Variants in DYNC2I2 observed in about 807,000 individuals in gnomAD.
DYNC2I2 encodes the protein dynein 2 intermediate chain 2.
Under a neutral mutation model 52.0 loss-of-function variants are expected in DYNC2I2, and 39 were observed. That is an observed-to-expected ratio of 0.75 (90% CI 0.58 to 0.98). The LOEUF is 0.98. Among genes scored for constraint, DYNC2I2 ranks in the 50% least tolerant of loss-of-function variants. The probability of loss-of-function intolerance (pLI) is 0.00; values close to 1 mark genes in which losing one functional copy is unlikely to be tolerated. For synonymous variants in DYNC2I2, 359 were observed against 321.1 expected (o/e 1.12, Z -1.26); for missense variants, 743 against 728.4 (o/e 1.02, Z -0.23).
the DYNC2I2 span, among the ~76,000 whole-genome samples, chr9:128,682,270 G>C: frequency 6.6e-6 from 1 of 151,854 alleles, no homozygotes; most frequent in Admixed American, 6.6e-5. Flanking sequence ...GGACGATCTC[G>C]ATCTCCTGAC....
In DYNC2I2 at chr9:128,636,355, G is replaced by A. The variant is rs780689247; in HGVS notation, c.629C>T (p.Pro210Leu). The change falls in exon 4 of 9, where the codon CCG becomes CTG. Residue 210 changes from proline to leucine, a missense_variant. Physicochemically the swap from Pro to Leu is moderately conservative, Grantham distance 98. Transcript: ENST00000372715. Reference sequence around the variant, plus strand: ...GCTGGGGACCTCCACCACGGCCGACGGCTGCTGGGGACGCAGGTCTCGCCG... The same window carrying A: ...GCTGGGGACCTCCACCACGGCCGACAGCTGCTGGGGACGCAGGTCTCGCCG... ...LDRRDLRPQQ[P>L]SAVVEVPSAV... 1.5e-5 allele frequency: 24 copies of A among 1,608,162 alleles called. No homozygotes were observed. Among genetic ancestry groups the A allele is most frequent in the African/African-American group, 5.3e-5 (4 of 74,852 alleles).
chr9:128,659,201 A>G (rs571742990), upstream of DYNC2I2, among the ~76,000 whole-genome samples: 372 of 151,998 alleles, frequency 2.4e-3, 10 homozygotes, highest in Non-Finnish European at 3.8e-4. Context: ...AGACTGAAGA[A>G]AAAGGGACTT....
Position 128,634,290 on chromosome 9 carries a change from C to G in DYNC2I2, c.1308G>C (p.Lys436Asn). Residue 436 changes from lysine to asparagine, a missense_variant, in exon 8 of 9, where the codon AAG (lysine) becomes AAC (asparagine). By Grantham distance (94) the Lys-to-Asn change is moderately conservative. Transcript: ENST00000372715. ...GGGACCAGCGCACAGCAAACAGATA[C>G]TTGAGGGAGAGCTGCAGCGAAGTCA... ...PPLTSLQLSL[K>N]YLFAVRWSPV... is the part of the protein sequence containing the mutation. 1 of 1,613,800 alleles carries G rather than the reference C, an allele frequency of 6.2e-7. No individual in the cohort carries two copies. The highest frequency in any genetic ancestry group is 2.2e-5 in the East Asian group (1 of 44,884).
rs185683612 is a variant in DYNC2I2, at chr9:128,654,965, G to T, written c.186+1576C>A. On this transcript the variant is annotated intron_variant, in intron 1 of 8. Coordinates refer to ENST00000372715, the MANE Select transcript of DYNC2I2 (RefSeq NM_052844.4). ...ATATACTGTTAATGTTACAGCCGTT[G>T]CCACTGCCCCATGTAAGCTCGAGGA... Among the ~76,000 whole-genome samples, 324 of 152,120 alleles carry T rather than the reference G, an allele frequency of 2.1e-3. 1 individual carries two copies. The highest frequency in any genetic ancestry group is 3.5e-3 in the Non-Finnish European group (236 of 68,002).
chr9:128,657,455 C>T (rs985853113), upstream of DYNC2I2, among the ~76,000 whole-genome samples: 1 of 151,432 alleles, frequency 6.6e-6, no homozygotes, highest in Non-Finnish European at 1.5e-5. Context: ...CGCGCCCCAC[C>T]GGAATTAAAA....
At chr9:128,664,281 A>AATG in the DYNC2I2 span, among the ~76,000 whole-genome samples, 109 of 151,766 alleles carry the variant, frequency 7.2e-4, 3 homozygotes, top group South Asian at 0.019. Context: ...CGATGGTCAC[A>AATG]ATGCCTCCTC....
chr9:128,649,566 G>A (rs1384529339), intron 1 of DYNC2I2, among the ~76,000 whole-genome samples: 1 of 150,902 alleles, frequency 6.6e-6, no homozygotes, highest in Non-Finnish European at 1.5e-5. Flanking sequence ...GGACGCGCCT[G>A]TAATTCCAGC....
the DYNC2I2 span, among the ~76,000 whole-genome samples, chr9:128,673,530 G>C: frequency 6.6e-6 from 1 of 150,786 alleles, no homozygotes; most frequent in Admixed American, 6.6e-5. Flanking sequence ...TTCTGAGACG[G>C]AGTCTAGCTC....
the DYNC2I2 span, among the ~76,000 whole-genome samples, chr9:128,676,846 T>G: frequency 3.4e-4 from 51 of 150,146 alleles, no homozygotes; most frequent in African/African-American, 1.2e-3. Flanking sequence ...GCTGTTTTTT[T>G]TTTTGTTTTG....
chr9:128,641,378 G>A (rs189933614), intron 1 of DYNC2I2, among the ~76,000 whole-genome samples: 43 of 152,104 alleles, frequency 2.8e-4, no homozygotes, highest in South Asian at 6.3e-4. Flanking sequence ...CTCCCTCAAC[G>A]GGCAGCCCTC....
intron 2 of DYNC2I2, among the ~76,000 whole-genome samples, chr9:128,637,834 A>G (rs1176380562): frequency 6.6e-6 from 1 of 152,162 alleles, no homozygotes; most frequent in East Asian, 1.9e-4. Flanking sequence ...CAGCCTAGCC[A>G]GGGGTAGGCA....
chr9:128,684,084 C>G, the DYNC2I2 span: 1 of 1,204,448 alleles, frequency 8.3e-7, no homozygotes, highest in South Asian at 1.3e-5. Context: ...ACCCCCCAAT[C>G]CCTCTTGAGA....
the DYNC2I2 span, among the ~76,000 whole-genome samples, chr9:128,671,470 C>CTTT: frequency 1.4e-3 from 155 of 107,682 alleles, no homozygotes; most frequent in African/African-American, 2.1e-3. Flanking sequence ...CTGGCTAATT[C>CTTT]TTTTTTTTTT....
At chr9:128,681,548 T>C in the DYNC2I2 span, among the ~76,000 whole-genome samples, 1 of 152,216 alleles carries the variant, frequency 6.6e-6, no homozygotes, top group East Asian at 1.9e-4. Flanking sequence ...GCTGTGAACA[T>C]TGGTGCACGT....
At chr9:128,675,907 G>C in the DYNC2I2 span, among the ~76,000 whole-genome samples, 1 of 152,102 alleles carries the variant, frequency 6.6e-6, no homozygotes, top group Admixed American at 6.6e-5. Flanking sequence ...AAGGAAAGGT[G>C]GGCCAGGTCC....
the DYNC2I2 span, among the ~76,000 whole-genome samples, chr9:128,669,911 G>C: frequency 6.6e-6 from 1 of 152,124 alleles, no homozygotes; most frequent in Non-Finnish European, 1.5e-5. Flanking sequence ...GAAATCCTGA[G>C]CTTGTGATCC....
the DYNC2I2 span, chr9:128,663,006 G>A: frequency 6.6e-6 from 1 of 152,042 alleles, no homozygotes; most frequent in African/African-American, 2.4e-5. Flanking sequence ...GGTTTGGCCA[G>A]GCTGGTCTCA....
chr9:128,662,576 A>T, the DYNC2I2 span, among the ~76,000 whole-genome samples: 32 of 150,100 alleles, frequency 2.1e-4, no homozygotes, highest in East Asian at 6.4e-3. Flanking sequence ...ATTCATGGCT[A>T]ATTTATTTAT....
chr9:128,635,852 A>T lies in DYNC2I2; in HGVS notation c.704-85T>A, dbSNP rs1860398812. On this transcript the variant is annotated intron_variant, in intron 4 of 8. Transcript: ENST00000372715. ...CAAACACCCGCCCCAGCCCACCTAC[A>T]GGGCCAGGGCCAGGGCCAGGCGGCA... 3 of 1,175,214 alleles carry T rather than the reference A, an allele frequency of 2.6e-6. No individual in the cohort carries two copies. In the Admixed American group the frequency reaches 6.2e-5, roughly 24 times the overall value. 72.8% of individuals were successfully genotyped at this position (1,175,214 alleles called of 1,614,324 possible).
Sources: gnomAD v4.1 joint callset for allele counts (sites outside exome capture counted in the v4.1 genomes callset) on GRCh38, gnomAD v4.1.1 for gene constraint, MANE v1.5 for transcripts, NCBI Gene and HGNC (gene_info 2026-07-23, HGNC 2026-07-21) for gene names.